AOPEP: variants seen among roughly 807,000 people sequenced by gnomAD.
The protein encoded by AOPEP is aminopeptidase O.
In AOPEP, 77 loss-of-function variants were observed where a neutral mutation model predicts 98.1. The ratio of observed to expected loss-of-function variants is 0.78; its 90% confidence interval spans 0.65 to 0.95. The LOEUF is 0.95. Among genes scored for constraint, AOPEP ranks in the 40% least tolerant of loss-of-function variants. The pLI, the probability that AOPEP is intolerant of heterozygous loss-of-function variation, is 0.00. For missense variants in AOPEP, 1,024 were observed against 1,024.7 expected (o/e 1.00, Z 0.01); for synonymous variants, 346 against 365.3 (o/e 0.95, Z 0.60).
At chr9:94,956,344 A>G (rs868746080) in intron 9 of AOPEP, among the ~76,000 whole-genome samples, 2 of 152,314 alleles carry the variant, frequency 1.3e-5, no homozygotes, top group Middle Eastern at 6.8e-3. Context: ...TTTGAACGCC[A>G]CAGGCTCCAA....
At chr9:95,045,769 ATAGAT>A (rs1388760315) in intron 13 of AOPEP, among the ~76,000 whole-genome samples, 1 of 152,176 alleles carries the variant, frequency 6.6e-6, no homozygotes, top group Non-Finnish European at 1.5e-5. Context: ...CCAGGGACAG[ATAGAT>A]GTCCATGTAA....
the AOPEP span, among the ~76,000 whole-genome samples, chr9:95,107,737 G>C: frequency 3.8e-3 from 581 of 152,130 alleles, 2 homozygotes; most frequent in African/African-American, 0.013. Context: ...GGGGTCGGGG[G>C]GAACACACAC....
chr9:95,085,218 C>G (rs1367689915), intron 16 of AOPEP: 2 of 495,666 alleles, frequency 4.0e-6, no homozygotes, highest in Admixed American at 4.2e-5. Flanking sequence ...CTCAGGTGCT[C>G]TGGCTGCTTG....
chr9:94,866,577 C>G (rs530672676), intron 5 of AOPEP, among the ~76,000 whole-genome samples: 4 of 152,110 alleles, frequency 2.6e-5, no homozygotes, highest in African/African-American at 9.7e-5. Flanking sequence ...ATCAAGGAAG[C>G]TACCTTTCAA....
Position 94,773,100 on chromosome 9 carries a change from GAGCAGCTGC to G in AOPEP, c.898_906del (p.Ala300_Ala302del). ...ATGTCAACATGGCAGGCTACAGTTC[GAGCAGCTGC>G]ATCTTTTGTTGTTTTAATGAGTGGG... On this transcript the variant is annotated inframe_deletion, in exon 3 of 17. Transcript: ENST00000375315. The G allele has an allele frequency of 6.2e-7, 1 of 1,614,046 alleles. No homozygotes were observed. The highest frequency in any genetic ancestry group is 8.5e-7 in the Non-Finnish European group (1 of 1,180,012).
At chr9:95,005,080 C>A in intron 11 of AOPEP, 78 bp from the exon 12 acceptor site, 1 of 717,676 alleles carries the variant, frequency 1.4e-6, no homozygotes, top group Non-Finnish European at 1.8e-6. Context: ...GGGGCGGGCA[C>A]GCCGAGTTAG....
At chr9:95,140,684 C>T in the AOPEP span, among the ~76,000 whole-genome samples, 2 of 152,088 alleles carry the variant, frequency 1.3e-5, no homozygotes, top group African/African-American at 4.8e-5. Flanking sequence ...GTTTGGGTTG[C>T]CAGACAAACT....
In AOPEP at chr9:94,930,457, T is replaced by C. The variant is rs2055103622; in HGVS notation, c.1661+1926T>C. 6.6e-6 allele frequency among the ~76,000 whole-genome samples: 1 copy of C among 152,152 alleles called. No individual in the cohort carries two copies. Among genetic ancestry groups the C allele is most frequent in the Non-Finnish European group, 1.5e-5 (1 of 68,034 alleles). ...ATATTATGAACTTTGGAGATTACAA[T>C]TCAGGAGCTCACTGGAGAGACTGGA... is the stretch of plus-strand genomic sequence containing the variant. On this transcript the variant is annotated intron_variant, in intron 7 of 16. Coordinates refer to ENST00000375315, the MANE Select transcript of AOPEP (RefSeq NM_001193329.3). This position sits in a 1 kb window ranked among gnomAD's most constrained non-coding sequence, Gnocchi z 4.5.
intron 13 of AOPEP, among the ~76,000 whole-genome samples, chr9:95,032,281 G>A (rs1444169486): frequency 6.6e-6 from 1 of 152,228 alleles, no homozygotes; most frequent in Non-Finnish European, 1.5e-5. Flanking sequence ...GCTGTGGCCA[G>A]CCAGGTGTTC....
At chr9:94,741,341 C>G (rs577308765) in intron 1 of AOPEP, among the ~76,000 whole-genome samples, 1 of 151,612 alleles carries the variant, frequency 6.6e-6, no homozygotes, top group Non-Finnish European at 1.5e-5. Flanking sequence ...GGTGCGATCT[C>G]GGCTCACTGC....
chr9:94,986,478 A>C (rs1438865356), intron 11 of AOPEP, among the ~76,000 whole-genome samples: 1 of 152,248 alleles, frequency 6.6e-6, no homozygotes, highest in East Asian at 1.9e-4. Context: ...GAATCCCTTC[A>C]GAATGGCCAA....
At chr9:95,092,431 T>C in the AOPEP span, among the ~76,000 whole-genome samples, 1 of 152,108 alleles carries the variant, frequency 6.6e-6, no homozygotes, top group Non-Finnish European at 1.5e-5. Flanking sequence ...ATTCTGAGTC[T>C]CCCACAGGCT....
At chr9:95,036,427 A>C (rs1274189801) in intron 13 of AOPEP, among the ~76,000 whole-genome samples, 1 of 152,250 alleles carries the variant, frequency 6.6e-6, no homozygotes, top group Non-Finnish European at 1.5e-5. Context: ...GTTGCCCTTT[A>C]AATGACAAGA....
intron 3 of AOPEP, among the ~76,000 whole-genome samples, chr9:94,775,440 G>A (rs1238405961): frequency 1.3e-5 from 2 of 149,986 alleles, no homozygotes; most frequent in East Asian, 2.0e-4. Context: ...CGCGATCTCT[G>A]CTCACTGCAA....
At chr9:94,999,426 A>G (rs10993451) in intron 11 of AOPEP, among the ~76,000 whole-genome samples, 9,940 of 152,278 alleles carry the variant, frequency 0.065, 796 homozygotes, top group African/African-American at 0.18. Context: ...ATATTCAAGA[A>G]GTAAAAACAA....
At chr9:95,008,340 T>G (rs1368629424) in intron 13 of AOPEP, among the ~76,000 whole-genome samples, 1 of 152,154 alleles carries the variant, frequency 6.6e-6, no homozygotes, top group Non-Finnish European at 1.5e-5. Flanking sequence ...AGGGGGCAGC[T>G]TTTTTCCTGC....
intron 5 of AOPEP, among the ~76,000 whole-genome samples, chr9:94,912,031 A>G (rs1438952449): frequency 2.0e-5 from 3 of 152,176 alleles, no homozygotes; most frequent in African/African-American, 4.8e-5. Context: ...TTCCAGCAGC[A>G]TAGATTTCAG....
At chr9:94,925,015 G>A (rs1206182259) in intron 6 of AOPEP, among the ~76,000 whole-genome samples, 8 of 151,856 alleles carry the variant, frequency 5.3e-5, no homozygotes, top group African/African-American at 1.2e-4. Flanking sequence ...TTGTTGAGAC[G>A]GAGTCTAGCT....
intron 5 of AOPEP, among the ~76,000 whole-genome samples, chr9:94,855,176 CA>C (rs1207914807): frequency 6.6e-6 from 1 of 152,106 alleles, no homozygotes; most frequent in African/African-American, 2.4e-5. Context: ...CTCCCAGATT[CA>C]AGCGATTCTC....
Sources: allele counts gnomAD v4.1 joint callset (sites outside exome capture counted in the v4.1 genomes callset), GRCh38; gene constraint gnomAD v4.1.1; non-coding constraint Gnocchi (gnomAD v3.1); transcripts MANE v1.5; gene names NCBI Gene and HGNC (gene_info 2026-07-23, HGNC 2026-07-21).